MRPS5: variants seen among roughly 807,000 people sequenced by gnomAD.
MRPS5 encodes the protein small ribosomal subunit protein uS5m.
In MRPS5, 27 loss-of-function variants were observed where a neutral mutation model predicts 51.9. The observed-to-expected ratio is 0.52, with a 90% CI of 0.38 to 0.72. The LOEUF is 0.72. Ranked by LOEUF, MRPS5 falls within the 30% of genes least tolerant of loss-of-function variation. The probability of loss-of-function intolerance (pLI) is 0.00; values close to 1 mark genes in which losing one functional copy is unlikely to be tolerated. For missense variants in MRPS5, 570 were observed against 545.7 expected, an observed-to-expected ratio of 1.04 and a Z score of -0.44; for synonymous variants, 196 against 193.2, an observed-to-expected ratio of 1.01 and a Z score of -0.12.
At chr2:95,112,310 C>T (rs536027194) in intron 3 of MRPS5, among the ~76,000 whole-genome samples, 1 of 152,210 alleles carries the variant, frequency 6.6e-6, no homozygotes, top group African/African-American at 2.4e-5. Flanking sequence ...GGTGACCCGC[C>T]CACCTCAGCC....
intron 10 of MRPS5, among the ~76,000 whole-genome samples, chr2:95,097,485 T>G (rs888040548): frequency 6.6e-6 from 1 of 152,202 alleles, no homozygotes; most frequent in Non-Finnish European, 1.5e-5. Flanking sequence ...AGCATGGTAC[T>G]GGTACCAAAA....
intron 3 of MRPS5, 98 bp from the exon 4 acceptor site, chr2:95,110,139 A>G: frequency 6.9e-7 from 1 of 1,458,106 alleles, no homozygotes; most frequent in Non-Finnish European, 9.3e-7. Context: ...GTCAGCTTAC[A>G]GCTTTACCCA....
At position 95,104,533 on chromosome 2, in the gene MRPS5, G is replaced by A; in HGVS notation, c.763+107C>T. ...CAAACCACTAAAAGGTTTAATCAAT[G>A]GAAAAAGTCCGGCCAGCAGCATGAG... is the stretch of plus-strand genomic sequence containing the variant. On this transcript the variant is annotated intron_variant, in intron 7 of 11. Coordinates refer to ENST00000272418, the MANE Select transcript of MRPS5 (RefSeq NM_031902.5). The A allele has an allele frequency of 4.2e-6, 5 of 1,201,530 alleles. No homozygotes were observed. In the Admixed American group the frequency reaches 5.2e-5, roughly 12 times the overall value. 74.4% of individuals were successfully genotyped at this position (1,201,530 alleles called of 1,614,324 possible).
chr2:95,102,710 T>C (rs1220886700), intron 7 of MRPS5, among the ~76,000 whole-genome samples: 1 of 152,140 alleles, frequency 6.6e-6, no homozygotes, highest in African/African-American at 2.4e-5. Context: ...TCCACTGCTA[T>C]AGAGTAAAAC....
In MRPS5 at chr2:95,115,908, C is replaced by CT. The variant is rs896022157; in HGVS notation, c.140-706dup. Among the ~76,000 whole-genome samples the CT allele has an allele frequency of 6.1e-3, 865 of 141,808 alleles. 2 individuals carry two copies. The highest frequency in any genetic ancestry group is 8.2e-3 in the African/African-American group (321 of 39,030). The allele number at this position is 141,808 out of a possible 152,430, so 93.0% of individuals were successfully genotyped here. A position where few individuals can be genotyped will look rare whatever the true frequency, so the allele number is the denominator to read the frequency against. ...CTTTTCTTGTATGCTCCTTAATTTTCTTTTTTTTTTTTTTTGAGACGGAGT... is the reference window on the plus strand; with the variant it reads ...CTTTTCTTGTATGCTCCTTAATTTTCTTTTTTTTTTTTTTTTGAGACGGAGT... On this transcript the variant is annotated intron_variant, in intron 2 of 11. Coordinates refer to ENST00000272418, the MANE Select transcript of MRPS5 (RefSeq NM_031902.5).
chr2:95,108,055 T>C lies in MRPS5; in HGVS notation c.637+120A>G, dbSNP rs1676001756. ...TTGATGTGATATGTTATTTCAAAGA[T>C]GTTCAAATCTTTTTTGGAAAAAGGT... is the stretch of plus-strand genomic sequence containing the variant. On this transcript the variant is annotated intron_variant, in intron 5 of 11. Coordinates refer to ENST00000272418, the MANE Select transcript of MRPS5 (RefSeq NM_031902.5). 6 of 776,446 alleles carry C rather than the reference T, an allele frequency of 7.7e-6. No homozygotes were observed. The South Asian group carries it at 1.0e-4, about 13-fold the overall frequency. The allele number at this position is 776,446 out of a possible 1,614,324, so 48.1% of individuals were successfully genotyped here. A position where few individuals can be genotyped will look rare whatever the true frequency, so the allele number is the denominator to read the frequency against.
chr2:95,108,510 C>T, intron 4 of MRPS5, 102 bp from the exon 5 acceptor site: 1 of 934,722 alleles, frequency 1.1e-6, no homozygotes, highest in East Asian at 2.6e-5. Context: ...ACACACTGTT[C>T]ACTGGAGCTT....
At chr2:95,105,315 C>T (rs1486690715) in intron 6 of MRPS5, among the ~76,000 whole-genome samples, 1 of 152,064 alleles carries the variant, frequency 6.6e-6, no homozygotes, top group African/African-American at 2.4e-5. Context: ...TTCGGGAGGC[C>T]GACGCAGACG....
At chr2:95,089,849 T>C (rs1282609571) in intron 11 of MRPS5, among the ~76,000 whole-genome samples, 4 of 152,192 alleles carry the variant, frequency 2.6e-5, no homozygotes, top group African/African-American at 9.7e-5. Context: ...GCTTTAAAAA[T>C]GCTGCTTAGA....
chr2:95,100,842 T>C lies in MRPS5; in HGVS notation c.863A>G (p.His288Arg), dbSNP rs758105284. The C allele has an allele frequency of 2.5e-6, 4 of 1,597,588 alleles. No individual in the cohort carries two copies. Among genetic ancestry groups the C allele is most frequent in the East Asian group, 4.5e-5 (2 of 44,732 alleles). ...AAAAATAGATTATCACTCACTTGTA[T>C]GGTCTTCATATCGTTCTATATAATG... is the stretch of plus-strand genomic sequence containing the variant. ...HLHYIERYED[H>R]TIFHDISLRF... Residue 288 changes from histidine (H) to arginine (R), a missense_variant, in exon 9 of 12, where the codon CAT becomes CGT. By Grantham distance (29) the His-to-Arg change is conservative. Transcript: ENST00000272418.
chr2:95,118,413 C>A (rs1676351057), intron 1 of MRPS5, among the ~76,000 whole-genome samples: 1 of 152,404 alleles, frequency 6.6e-6, no homozygotes, highest in Admixed American at 6.5e-5. Context: ...GCCTACAGGC[C>A]TGCCACATGG....
At chr2:95,113,402 G>A (rs2104424843) in intron 3 of MRPS5, among the ~76,000 whole-genome samples, 1 of 152,138 alleles carries the variant, frequency 6.6e-6, no homozygotes, top group East Asian at 1.9e-4. Flanking sequence ...CTTGAACCCA[G>A]GAGGTGCAGG....
rs747663657 is a variant in MRPS5, at chr2:95,108,431, A to G, written c.404-23T>C. The G allele has an allele frequency of 3.2e-6, 5 of 1,574,518 alleles. No individual in the cohort carries two copies. In the East Asian group the frequency reaches 1.1e-4, roughly 35 times the overall value. On this transcript the variant is annotated intron_variant, in intron 4 of 11. Coordinates refer to ENST00000272418, the MANE Select transcript of MRPS5 (RefSeq NM_031902.5). Reference sequence around the variant, plus strand: ...GCCCTGAAGGTTTAAAAATATAAATAATAATTTTGTTAAAGTACTCATTTT... The same window carrying G: ...GCCCTGAAGGTTTAAAAATATAAATGATAATTTTGTTAAAGTACTCATTTT...
chr2:95,109,811 G>A (rs771115008), intron 4 of MRPS5, 105 bp downstream of exon 4: 41 of 1,277,234 alleles, frequency 3.2e-5, no homozygotes, highest in African/African-American at 6.0e-5. Context: ...AGATCGTAGT[G>A]CCCTTCATAA....
intron 3 of MRPS5, among the ~76,000 whole-genome samples, chr2:95,111,320 G>A (rs1036757974): frequency 6.6e-6 from 1 of 152,118 alleles, no homozygotes; most frequent in Non-Finnish European, 1.5e-5. Flanking sequence ...AAAAAATGGT[G>A]GTACCTATAA....
Position 95,087,565 on chromosome 2 carries a change from A to T in MRPS5, c.1085T>A (p.Leu362Gln). ...GLSRQETHQQ[L>Q]ADKKGLHVVE... is the part of the protein sequence containing the mutation. ...AACATGGAGGCCCTTCTTATCAGCCAGCTGTTGATGGGTTTCCTAAGCAAG... is the reference window on the plus strand; with the variant it reads ...AACATGGAGGCCCTTCTTATCAGCCTGCTGTTGATGGGTTTCCTAAGCAAG... The change falls in exon 12 of 12, where the codon CTG (leucine) becomes CAG (glutamine). Residue 362 changes from leucine (L) to glutamine (Q), a missense_variant. Leu to Gln is a moderately radical substitution (Grantham distance 113). Transcript: ENST00000272418. The T allele has an allele frequency of 6.2e-7, 1 of 1,613,694 alleles. No homozygotes were observed. The highest frequency in any genetic ancestry group is 1.3e-5 in the African/African-American group (1 of 75,008).
intron 10 of MRPS5, among the ~76,000 whole-genome samples, chr2:95,097,474 C>T (rs1274076416): frequency 2.0e-5 from 3 of 152,178 alleles, no homozygotes; most frequent in Non-Finnish European, 4.4e-5. Flanking sequence ...GTAACCAAAA[C>T]AGCATGGTAC....
upstream of MRPS5, chr2:95,121,902 G>T: frequency 8.1e-7 from 1 of 1,241,994 alleles, no homozygotes; most frequent in Non-Finnish European, 1.1e-6. Context: ...AATTCCTGAG[G>T]CCCGAGTCCA....
intron 3 of MRPS5, among the ~76,000 whole-genome samples, chr2:95,112,361 C>T (rs1388425340): frequency 1.3e-5 from 2 of 151,972 alleles, no homozygotes; most frequent in African/African-American, 2.4e-5. Context: ...TCACTGCACC[C>T]GGCCTCATGT....
Sources: gnomAD v4.1 joint callset for allele counts (sites outside exome capture counted in the v4.1 genomes callset) on GRCh38, gnomAD v4.1.1 for gene constraint, MANE v1.5 for transcripts, NCBI Gene and HGNC (gene_info 2026-07-23, HGNC 2026-07-21) for gene names.